The following EGLN2 variants were observed in gnomAD, a reference collection of about 807,000 sequenced individuals.
EGLN2 encodes the protein prolyl hydroxylase EGLN2.
Under a neutral mutation model 38.2 loss-of-function variants are expected in EGLN2, and 15 were observed. The ratio of observed to expected loss-of-function variants is 0.39; its 90% CI spans 0.26 to 0.60. EGLN2 has a LOEUF of 0.60. Among genes scored for constraint, EGLN2 ranks in the 20% least tolerant of loss-of-function variants. EGLN2 has a pLI of 0.50. For missense variants in EGLN2, 492 were observed against 570.4 expected (o/e 0.86, Z 1.40); for synonymous variants, 284 against 237.4 (o/e 1.20, Z -1.81).
intron 2 of EGLN2, among the ~76,000 whole-genome samples, chr19:40,803,739 G>A (rs2083280739): frequency 6.6e-6 from 1 of 152,194 alleles, no homozygotes; most frequent in Admixed American, 6.5e-5. Context: ...GGCTACCAGA[G>A]GGGACCCCAG....
intron 5 of EGLN2, 61 bp downstream of exon 5, chr19:40,807,612 C>T: frequency 6.4e-7 from 1 of 1,557,416 alleles, no homozygotes; most frequent in South Asian, 1.1e-5. Context: ...CCTGATGCCA[C>T]CCCATCCCCC....
chr19:40,801,651 CTTTTTTTTT>C (rs58809253), intron 2 of EGLN2, among the ~76,000 whole-genome samples: 1 of 102,716 alleles, frequency 9.7e-6, no homozygotes, highest in East Asian at 3.2e-4. Flanking sequence ...CACAGTGGTT[CTTTTTTTTT>C]TTTTTTTTTT....
chr19:40,803,163 T>C (rs1398063981), intron 2 of EGLN2: 1 of 152,256 alleles, frequency 6.6e-6, no homozygotes, highest in African/African-American at 2.4e-5. Context: ...AAGGGCTGAG[T>C]GGCCCAGATG....
In EGLN2 at chr19:40,800,584, G is replaced by C. The variant is rs997303364; in HGVS notation, c.12G>C (p.Pro4=). 3 of 1,601,922 alleles carry C rather than the reference G, an allele frequency of 1.9e-6. No homozygotes were observed. In the Admixed American group the frequency reaches 5.1e-5, roughly 27 times the overall value. Residue 4 remains proline (P), a synonymous_variant, in exon 2 of 6, where the codon CCG becomes CCC. Transcript: ENST00000303961. MDS[P]CQPQPLSQAL... ...AAGACACTGCTGCCATGGACAGCCCGTGCCAGCCGCAGCCCCTAAGTCAGG... is the reference window on the plus strand; with the variant it reads ...AAGACACTGCTGCCATGGACAGCCCCTGCCAGCCGCAGCCCCTAAGTCAGG...
intron 5 of EGLN2, 60 bp from the exon 6 acceptor site, chr19:40,807,749 T>C: frequency 6.3e-7 from 1 of 1,585,176 alleles, no homozygotes; most frequent in Non-Finnish European, 8.7e-7. Context: ...CTCCCCAGGT[T>C]TCCCTTGGCT....
intron 2 of EGLN2, among the ~76,000 whole-genome samples, chr19:40,802,403 CT>C (rs1184916902): frequency 2.0e-5 from 3 of 152,332 alleles, no homozygotes; most frequent in Non-Finnish European, 2.9e-5. Flanking sequence ...TCCATTCCCC[CT>C]GTCCTGTGTG....
At chr19:40,807,729 C>CTCTCCCCA in intron 5 of EGLN2, 80 bp from the exon 6 acceptor site, 1 of 1,516,612 alleles carries the variant, frequency 6.6e-7, no homozygotes, top group Admixed American at 1.7e-5. Context: ...CTTCCTGGTC[C>CTCTCCCCA]TCTCCCCATC....
In EGLN2 at chr19:40,800,789, G is replaced by A. The variant is rs1357072043; in HGVS notation, c.217G>A (p.Ala73Thr). The change falls in exon 2 of 6, where the codon GCC becomes ACC. Residue 73 changes from alanine to threonine, a missense_variant. Around this residue, in one of 2 missense-constraint regions of EGLN2, gnomAD observed 378 missense variants for 386.2 expected, o/e 0.98. Coordinates refer to ENST00000303961, the MANE Select transcript of EGLN2 (RefSeq NM_080732.4). ...TPRATATSTT[A>T]SPLRDGFGGQ... is the part of the protein sequence containing the mutation. ...CAGAGCCACAGCCACCTCTACCACTGCCAGCCCTCTTCGGGACGGTTTTGG... is the reference window on the plus strand; with the variant it reads ...CAGAGCCACAGCCACCTCTACCACTACCAGCCCTCTTCGGGACGGTTTTGG... The A allele has an allele frequency of 3.1e-6, 5 of 1,613,430 alleles. No homozygotes were observed. The highest frequency in any genetic ancestry group is 4.2e-6 in the Non-Finnish European group (5 of 1,179,838).
intron 2 of EGLN2, 52 bp from the exon 3 acceptor site, chr19:40,806,503 T>C: frequency 6.2e-7 from 1 of 1,607,878 alleles, no homozygotes. Context: ...GCTGCTTCTC[T>C]AAGATGTGCC....
Position 40,807,214 on chromosome 19 carries a change from T to TG in EGLN2, c.1041dup (p.Leu348AlafsTer6), listed in dbSNP as rs2083310882. On this transcript the variant is annotated frameshift_variant, in exon 4 of 6. Coordinates refer to ENST00000303961, the MANE Select transcript of EGLN2 (RefSeq NM_080732.4). LOFTEE classifies it high-confidence loss of function. ...AACATCGAGCCACTCTTTGACCGGTTGCTCATTTTCTGGTCTGACCGGCGG... is the reference window on the plus strand; with the variant it reads ...AACATCGAGCCACTCTTTGACCGGTTGGCTCATTTTCTGGTCTGACCGGCGG... 6.2e-7 allele frequency: 1 copy of TG among 1,614,032 alleles called. No individual in the cohort carries two copies.
Position 40,808,228 on chromosome 19 carries a change from C to A in EGLN2, c.*364C>A. 2.3e-6 allele frequency: 1 copy of A among 438,900 alleles called. No homozygotes were observed. Among genetic ancestry groups the A allele is most frequent in the East Asian group, 3.4e-5 (1 of 29,248 alleles). 27.2% of individuals were successfully genotyped at this position (438,900 alleles called of 1,614,324 possible). ...TTGGGGTTGAGGTGAGTCATGGCCTCTTGCTGGCAATGGGGTGGGAGGAGT... is the reference window on the plus strand; with the variant it reads ...TTGGGGTTGAGGTGAGTCATGGCCTATTGCTGGCAATGGGGTGGGAGGAGT... On this transcript the variant is annotated 3_prime_UTR_variant, in exon 6 of 6. Coordinates refer to ENST00000303961, the MANE Select transcript of EGLN2 (RefSeq NM_080732.4).
chr19:40,806,704 G>C (rs1325144775), intron 3 of EGLN2, 30 bp downstream of exon 3: 1 of 1,610,060 alleles, frequency 6.2e-7, no homozygotes, highest in South Asian at 1.1e-5. Flanking sequence ...TGAGGGTGGC[G>C]CTGGGGCTAG....
Position 40,800,671 on chromosome 19 carries a change from G to T in EGLN2, c.99G>T (p.Arg33Ser). 6.2e-7 allele frequency: 1 copy of T among 1,614,048 alleles called. No individual in the cohort carries two copies. The highest frequency in any genetic ancestry group is 8.5e-7 in the Non-Finnish European group (1 of 1,180,010). ...TGGAGCCTGAGCCTGGCCGGGCCAGGATGGGAGTGGAGAGTTACCTGCCCT... is the reference window on the plus strand; with the variant it reads ...TGGAGCCTGAGCCTGGCCGGGCCAGTATGGGAGTGGAGAGTTACCTGCCCT... ...EPLEPEPGRA[R>S]MGVESYLPCP... The change falls in exon 2 of 6, where the codon AGG (arginine) becomes AGT (serine). Residue 33 changes from arginine (R) to serine (S), a missense_variant. By Grantham distance (110) the Arg-to-Ser change is moderately radical (BLOSUM62 -1). This residue lies in a region of EGLN2 where 378 missense variants were observed against 386.2 expected (regional missense o/e 0.98). Transcript: ENST00000303961.
intron 3 of EGLN2, 68 bp from the exon 4 acceptor site, chr19:40,807,070 C>T (rs2083309061): frequency 3.1e-6 from 5 of 1,598,110 alleles, no homozygotes; most frequent in Non-Finnish European, 4.3e-6. Context: ...TAGTGGGCTC[C>T]CGGGGCACCG....
At chr19:40,806,271 C>A in intron 2 of EGLN2, 1 of 440,484 alleles carries the variant, frequency 2.3e-6, no homozygotes, top group East Asian at 3.9e-5. Flanking sequence ...TGAAACAAAT[C>A]AAACTCTGTT....
chr19:40,804,517 A>C (rs532617682), intron 2 of EGLN2: 1 of 152,658 alleles, frequency 6.6e-6, no homozygotes, highest in South Asian at 2.1e-4. Flanking sequence ...CTCAGGATGG[A>C]GTGAAGACCT....
At chr19:40,807,611 A>C (rs1163432328) in intron 5 of EGLN2, 60 bp downstream of exon 5, 1 of 1,561,856 alleles carries the variant, frequency 6.4e-7, no homozygotes, top group East Asian at 2.2e-5. Flanking sequence ...GCCTGATGCC[A>C]CCCCATCCCC....
intron 2 of EGLN2, chr19:40,803,072 C>G (rs1300477530): frequency 6.6e-6 from 1 of 152,280 alleles, no homozygotes; most frequent in African/African-American, 2.4e-5. Context: ...GGCTTGGCTC[C>G]TGTGCGGGCG....
In EGLN2 at chr19:40,807,785, T is replaced by C. The variant is rs369625239; in HGVS notation, c.1169-24T>C. On this transcript the variant is annotated intron_variant, in intron 5 of 5. Transcript: ENST00000303961. ...TCTTTGTCCTTCTGATGACTCACTG[T>C]CTCCTGTCCCCTCTCACCCCCAGCA... The C allele has an allele frequency of 3.7e-6, 6 of 1,613,216 alleles. No homozygotes were observed. The African/African-American group carries it at 6.7e-5, about 18-fold the overall frequency.
Sources: gnomAD v4.1 joint callset for allele counts (sites outside exome capture counted in the v4.1 genomes callset) on GRCh38, gnomAD v4.1.1 for gene constraint, gnomAD v4.1.1 regional missense constraint, MANE v1.5 for transcripts, NCBI Gene and HGNC (gene_info 2026-07-23, HGNC 2026-07-21) for gene names.